The following NSFL1C variants were observed in gnomAD, a reference collection of about 807,000 sequenced individuals.
The protein encoded by NSFL1C is NSFL1 cofactor.
In NSFL1C, 14 loss-of-function variants were observed where a neutral mutation model predicts 43.1. The ratio of observed to expected loss-of-function variants is 0.32; its 90% CI spans 0.21 to 0.51. The LOEUF is 0.51. NSFL1C is among the 20% of genes least tolerant of loss of function. The probability of loss-of-function intolerance (pLI) is 0.98; values close to 1 mark genes in which losing one functional copy is unlikely to be tolerated. For missense variants in NSFL1C, 406 were observed against 472.5 expected, an observed-to-expected ratio of 0.86 and a Z score of 1.30; for synonymous variants, 171 against 183.5, an observed-to-expected ratio of 0.93 and a Z score of 0.55.
At chr20:1,457,908 C>A (rs928557763) in intron 3 of NSFL1C, 1 of 342,774 alleles carries the variant, frequency 2.9e-6, no homozygotes, top group Non-Finnish European at 5.5e-6. Flanking sequence ...CACCTCTTTA[C>A]AAACTGATTT....
At chr20:1,448,809 G>A (rs189680228) in intron 7 of NSFL1C, among the ~76,000 whole-genome samples, 270 of 152,252 alleles carry the variant, frequency 1.8e-3, no homozygotes, top group Non-Finnish European at 3.4e-3. Flanking sequence ...GTTGGTTCAC[G>A]GTAGAGGCAG....
intron 7 of NSFL1C, among the ~76,000 whole-genome samples, chr20:1,449,841 G>A (rs1287018765): frequency 3.3e-5 from 5 of 152,020 alleles, no homozygotes. Context: ...AACCACTACA[G>A]AAGGCACGGG....
intron 7 of NSFL1C, among the ~76,000 whole-genome samples, chr20:1,451,218 T>C (rs1025378391): frequency 2.6e-5 from 4 of 152,194 alleles, no homozygotes; most frequent in Non-Finnish European, 5.9e-5. Flanking sequence ...AGAACAGGGA[T>C]GACTTAACTA....
At position 1,443,528 on chromosome 20, in the gene NSFL1C, ATT is replaced by A; in HGVS notation, c.*219_*220del. On this transcript the variant is annotated 3_prime_UTR_variant, in exon 9 of 9. Transcript: ENST00000216879. ...TCCTTCAATTTTTTTGGTTGTTTTT[ATT>A]TTTTTTTTCATTAAAGTCCATTGAT... is the stretch of plus-strand genomic sequence containing the variant. 1.2e-5 allele frequency: 5 copies of A among 403,984 alleles called. No homozygotes were observed. The highest frequency in any genetic ancestry group is 6.4e-5 in the South Asian group (1 of 15,686). The allele number at this position is 403,984 out of a possible 1,614,324, so 25.0% of individuals were successfully genotyped here.
At position 1,466,761 on chromosome 20, in the gene NSFL1C, G is replaced by A. The variant is rs755870380; in HGVS notation, c.64C>T (p.Arg22Trp). Residue 22 changes from arginine (R) to tryptophan (W), a missense_variant, in exon 1 of 9, where the codon CGG (arginine) becomes TGG (tryptophan). This residue lies in a region of NSFL1C where 203 missense variants were observed against 216.3 expected (regional missense o/e 0.94). Transcript: ENST00000216879. Reference sequence around the variant, plus strand: ...GCCGACTCGAGAAAGAAGCGGGCCCGGTCCTCCTCGGCGCCCGTCACCGCC... The same window carrying A: ...GCCGACTCGAGAAAGAAGCGGGCCCAGTCCTCCTCGGCGCCCGTCACCGCC... Reference protein sequence around the residue: ...FVAVTGAEEDRARFFLESAGW... With the variant: ...FVAVTGAEEDWARFFLESAGW... The A allele has an allele frequency of 6.4e-7, 1 of 1,563,222 alleles. No homozygotes were observed. Among genetic ancestry groups the A allele is most frequent in the South Asian group, 1.2e-5 (1 of 85,724 alleles).
chr20:1,455,661 A>AC, intron 3 of NSFL1C: 1 of 779,494 alleles, frequency 1.3e-6, no homozygotes, highest in South Asian at 1.3e-5. Context: ...CTACTCTGTG[A>AC]CTCACTTTCC....
intron 8 of NSFL1C, 96 bp downstream of exon 8, chr20:1,445,570 G>C (rs2090040280): frequency 1.4e-6 from 2 of 1,394,196 alleles, no homozygotes; most frequent in Non-Finnish European, 2.0e-6. Context: ...GTGCCTGCTG[G>C]TATTTAGGAG....
At chr20:1,449,686 A>G (rs1002461656) in intron 7 of NSFL1C, among the ~76,000 whole-genome samples, 2 of 152,156 alleles carry the variant, frequency 1.3e-5, no homozygotes, top group African/African-American at 2.4e-5. Context: ...CCCTGCAAAC[A>G]TCGTAAGTTA....
chr20:1,447,920 C>G (rs1380331510), intron 7 of NSFL1C, among the ~76,000 whole-genome samples: 1 of 152,192 alleles, frequency 6.6e-6, no homozygotes, highest in African/African-American at 2.4e-5. Context: ...AACACACACA[C>G]ACGCTATGGA....
chr20:1,464,932 A>G (rs1265835158), intron 1 of NSFL1C, among the ~76,000 whole-genome samples: 4 of 152,176 alleles, frequency 2.6e-5, no homozygotes, highest in Non-Finnish European at 5.9e-5. Flanking sequence ...CTCACTCTTA[A>G]GCGCTTCCAG....
rs1007897365 is a variant in NSFL1C at position 1,442,656 on chromosome 20, A to G, written c.*1093T>C. Reference sequence around the variant, plus strand: ...CTTTACCAGGCTAGGACTACTGCCTATGTTTCTGCAAGTCACAAGTCAGCA... The same window carrying G: ...CTTTACCAGGCTAGGACTACTGCCTGTGTTTCTGCAAGTCACAAGTCAGCA... On this transcript the variant is annotated 3_prime_UTR_variant, in exon 9 of 9. Transcript: ENST00000216879. 6.6e-6 allele frequency: 1 copy of G among 152,206 alleles called. No individual in the cohort carries two copies. The highest frequency in any genetic ancestry group is 6.5e-5 in the Admixed American group (1 of 15,280). 9.4% of individuals were successfully genotyped at this position (152,206 alleles called of 1,614,324 possible).
At position 1,453,058 on chromosome 20, in the gene NSFL1C, G is replaced by C; in HGVS notation, c.620C>G (p.Ala207Gly). The change falls in exon 6 of 9, where the codon GCC becomes GGC. Residue 207 changes from alanine (A) to glycine (G), a missense_variant. Coordinates refer to ENST00000216879, the MANE Select transcript of NSFL1C (RefSeq NM_016143.5). ...ELRSYQDPSN[A>G]QFLESIRRGE... The stretch of plus-strand genomic sequence containing the variant: ...TCTGCGGATAGACTCCAGAAACTGG[G>C]CATTGGATGGGTCTTGGTAGCTTCT... 1 of 1,612,136 alleles carries C rather than the reference G, an allele frequency of 6.2e-7. No homozygotes were observed. Among genetic ancestry groups the C allele is most frequent in the Non-Finnish European group, 8.5e-7 (1 of 1,178,188 alleles).
chr20:1,462,077 T>G (rs1423159949), intron 2 of NSFL1C, among the ~76,000 whole-genome samples: 1 of 152,206 alleles, frequency 6.6e-6, no homozygotes, highest in Non-Finnish European at 1.5e-5. Flanking sequence ...CATAGATTCC[T>G]CCTAGGGTTC....
chr20:1,465,572 T>C (rs976422901), intron 1 of NSFL1C, among the ~76,000 whole-genome samples: 1 of 152,374 alleles, frequency 6.6e-6, no homozygotes, highest in African/African-American at 2.4e-5. Flanking sequence ...CGAATTCTTA[T>C]GTTTGGGGAG....
rs1426001309 is a variant in NSFL1C at position 1,443,004 on chromosome 20, A to G, written c.*745T>C. ...GTCCACTCAAGACTTCTGCACGTGG[A>G]GTAAATCAAGCCATAATGGAGCCCC... On this transcript the variant is annotated 3_prime_UTR_variant, in exon 9 of 9. Transcript: ENST00000216879. The G allele has an allele frequency of 6.6e-6, 1 of 152,194 alleles. No homozygotes were observed. The allele number at this position is 152,194 out of a possible 1,614,324, so 9.4% of individuals were successfully genotyped here. A position where few individuals can be genotyped will look rare whatever the true frequency, so the allele number is the denominator to read the frequency against.
intron 8 of NSFL1C, 49 bp from the exon 9 acceptor site, chr20:1,443,960 AC>A: frequency 6.4e-7 from 1 of 1,562,290 alleles, no homozygotes; most frequent in African/African-American, 1.3e-5. Flanking sequence ...TGCTGTCCAT[AC>A]CCCTGCCCTG....
chr20:1,444,197 G>C (rs557284325), intron 8 of NSFL1C, among the ~76,000 whole-genome samples: 1 of 152,206 alleles, frequency 6.6e-6, no homozygotes, highest in South Asian at 2.1e-4. Context: ...AGTTCATCAG[G>C]CCATACTCTC....
chr20:1,457,823 C>G (rs2090333059), intron 3 of NSFL1C: 1 of 178,436 alleles, frequency 5.6e-6, no homozygotes. Flanking sequence ...ATCCATTCAT[C>G]TGCTGGTAAG....
chr20:1,451,341 G>A (rs2090176951), intron 7 of NSFL1C, among the ~76,000 whole-genome samples: 1 of 152,232 alleles, frequency 6.6e-6, no homozygotes, highest in Non-Finnish European at 1.5e-5. Context: ...GAAGCTCAGA[G>A]GGCATGGTTG....
Sources: gnomAD v4.1 joint callset for allele counts (sites outside exome capture counted in the v4.1 genomes callset) on GRCh38, gnomAD v4.1.1 for gene constraint, gnomAD v4.1.1 regional missense constraint, MANE v1.5 for transcripts, NCBI Gene and HGNC (gene_info 2026-07-23, HGNC 2026-07-21) for gene names.